The following PLEKHM3 variants were observed in gnomAD, a reference collection of about 807,000 sequenced individuals.
PLEKHM3 encodes the protein pleckstrin homology domain containing M3.
Under a neutral mutation model 81.8 loss-of-function variants are expected in PLEKHM3, and 45 were observed. That is an observed-to-expected ratio of 0.55 (90% confidence interval 0.43 to 0.71). The LOEUF (loss-of-function observed/expected upper bound fraction) is 0.71. Ranked by LOEUF, PLEKHM3 falls within the 30% of genes least tolerant of loss-of-function variation. The pLI is 0.00. For missense variants in PLEKHM3, 788 were observed against 924.3 expected, an observed-to-expected ratio of 0.85 and a Z score of 1.91; for synonymous variants, 352 against 356.4, an observed-to-expected ratio of 0.99 and a Z score of 0.14.
chr2:207,967,611 G>A (rs1690962925), intron 3 of PLEKHM3, among the ~76,000 whole-genome samples: 1 of 152,204 alleles, frequency 6.6e-6, no homozygotes, highest in African/African-American at 2.4e-5. Context: ...AGTTGTAAGT[G>A]AGCAAATACC....
chr2:207,923,855 G>GCA (rs1157865708), intron 5 of PLEKHM3, among the ~76,000 whole-genome samples: 2,086 of 18,772 alleles, frequency 0.11, 188 homozygotes, highest in Non-Finnish European at 0.14. Flanking sequence ...ACACACGCAC[G>GCA]CACACACACA....
At chr2:207,980,890 A>T (rs1385176180) in intron 2 of PLEKHM3, among the ~76,000 whole-genome samples, 2 of 152,118 alleles carry the variant, frequency 1.3e-5, no homozygotes, top group Non-Finnish European at 2.9e-5. Flanking sequence ...GCACTTTGGG[A>T]GGCTCAGGCG....
At chr2:207,971,344 C>G (rs1350442375) in intron 3 of PLEKHM3, among the ~76,000 whole-genome samples, 2 of 152,116 alleles carry the variant, frequency 1.3e-5, no homozygotes, top group Admixed American at 1.3e-4. Flanking sequence ...GGAATAAGTT[C>G]TAGTGTTCAA....
At chr2:207,884,141 A>AC (rs1295260484) in intron 6 of PLEKHM3, among the ~76,000 whole-genome samples, 7 of 50,462 alleles carry the variant, frequency 1.4e-4, no homozygotes, top group African/African-American at 3.0e-4. Context: ...CCCCACCCCC[A>AC]CCCCCCAAAA....
chr2:207,991,393 T>C (rs1691895912), intron 2 of PLEKHM3, among the ~76,000 whole-genome samples: 1 of 152,194 alleles, frequency 6.6e-6, no homozygotes, highest in African/African-American at 2.4e-5. Flanking sequence ...AGGCAAAACC[T>C]ATCAGCTGCC....
intron 7 of PLEKHM3, among the ~76,000 whole-genome samples, chr2:207,839,308 T>TTAATGTACATTAACC (rs1310919969): frequency 1.2e-4 from 19 of 152,068 alleles, no homozygotes; most frequent in Non-Finnish European, 2.1e-4. Flanking sequence ...AAAATGCACA[T>TTAATGTACATTAACC]TAATGTACAT....
At chr2:207,891,321 T>C (rs1487768990) in intron 6 of PLEKHM3, among the ~76,000 whole-genome samples, 1 of 152,268 alleles carries the variant, frequency 6.6e-6, no homozygotes, top group Non-Finnish European at 1.5e-5. Flanking sequence ...ATTCACTATA[T>C]GCCAAACTCT....
intron 5 of PLEKHM3, among the ~76,000 whole-genome samples, chr2:207,925,617 G>A (rs1333543388): frequency 6.6e-6 from 1 of 152,154 alleles, no homozygotes; most frequent in African/African-American, 2.4e-5. Flanking sequence ...TTAACGCAGA[G>A]TTTATAATAA....
intron 1 of PLEKHM3, among the ~76,000 whole-genome samples, chr2:208,009,526 T>C (rs1449403425): frequency 6.6e-6 from 1 of 152,242 alleles, no homozygotes. Flanking sequence ...TCGCTTGGTA[T>C]TTCATATCTC....
At chr2:207,890,736 T>C (rs1688036432) in intron 6 of PLEKHM3, among the ~76,000 whole-genome samples, 1 of 152,226 alleles carries the variant, frequency 6.6e-6, no homozygotes, top group Admixed American at 6.5e-5. Flanking sequence ...AACTCTGAGT[T>C]TGAATTTCAG....
In PLEKHM3 at chr2:208,001,480, T is replaced by C. The variant is rs773835287; in HGVS notation, c.160A>G (p.Ile54Val). 1 of 1,614,226 alleles carries C rather than the reference T, an allele frequency of 6.2e-7. No individual in the cohort carries two copies. The highest frequency in any genetic ancestry group is 8.5e-7 in the Non-Finnish European group (1 of 1,180,034). ...ELVGHEVLSNITDNGAMRNVT... is the reference protein window; with the variant it reads ...ELVGHEVLSNVTDNGAMRNVT... ...TTTCTCATAGCACCATTGTCTGTTA[T>C]GTTACTGAGTACCTCATGCCCCACC... The change falls in exon 2 of 8, where the codon ATA (isoleucine) becomes GTA (valine). Residue 54 changes from isoleucine (I) to valine (V), a missense_variant. Ile to Val is a conservative substitution (Grantham distance 29, BLOSUM62 3). Transcript: ENST00000427836.
Position 207,821,615 on chromosome 2 carries a change from A to T in PLEKHM3, c.*6704T>A, listed in dbSNP as rs1175665840. On this transcript the variant is annotated 3_prime_UTR_variant, in exon 8 of 8. Coordinates refer to ENST00000427836, the MANE Select transcript of PLEKHM3 (RefSeq NM_001080475.3). ...TCATTTCTGTACTGTGTGAGCAGAT[A>T]TAAGAAAAAATGGCATAGACCTGAC... 1.3e-5 allele frequency: 2 copies of T among 152,218 alleles called. No homozygotes were observed. The highest frequency in any genetic ancestry group is 2.9e-5 in the Non-Finnish European group (2 of 68,050). 9.4% of individuals were successfully genotyped at this position (152,218 alleles called of 1,614,324 possible).
intron 4 of PLEKHM3, among the ~76,000 whole-genome samples, chr2:207,931,871 G>A (rs933368917): frequency 3.9e-5 from 6 of 152,222 alleles, no homozygotes; most frequent in African/African-American, 1.4e-4. Flanking sequence ...TACTTGGGAG[G>A]TTAAGGCGGG....
Position 207,958,869 on chromosome 2 carries a change from C to T in PLEKHM3, c.1547-12357G>A, listed in dbSNP as rs1690629201. Among the ~76,000 whole-genome samples the T allele has an allele frequency of 3.3e-5, 5 of 152,040 alleles. No homozygotes were observed. In the South Asian group the frequency reaches 1.0e-3, roughly 32 times the overall value. On this transcript the variant is annotated intron_variant, in intron 3 of 7. Coordinates refer to ENST00000427836, the MANE Select transcript of PLEKHM3 (RefSeq NM_001080475.3). ...AGGCTGCAGTGAGCTGAGATTGCAC[C>T]ACTGCACTTCAGCCTGGGCAACAGA...
intron 6 of PLEKHM3, among the ~76,000 whole-genome samples, chr2:207,870,587 G>A (rs2092528273): frequency 6.6e-6 from 1 of 152,196 alleles, no homozygotes; most frequent in Non-Finnish European, 1.5e-5. Context: ...TGCCTGGCCA[G>A]ACAACCATGA....
intron 1 of PLEKHM3, among the ~76,000 whole-genome samples, chr2:208,016,120 G>A (rs1314122095): frequency 6.6e-6 from 1 of 152,128 alleles, no homozygotes; most frequent in Non-Finnish European, 1.5e-5. Flanking sequence ...CTTGAAACCA[G>A]GAGGCAGAGG....
At chr2:207,967,280 C>T (rs971347914) in intron 3 of PLEKHM3, among the ~76,000 whole-genome samples, 1 of 152,200 alleles carries the variant, frequency 6.6e-6, no homozygotes, top group Non-Finnish European at 1.5e-5. Context: ...TTGACATGAG[C>T]TACTGCACCA....
intron 7 of PLEKHM3, among the ~76,000 whole-genome samples, chr2:207,833,966 A>T (rs2092303115): frequency 6.6e-6 from 1 of 152,136 alleles, no homozygotes; most frequent in Non-Finnish European, 1.5e-5. Context: ...ACTAATATTA[A>T]TATTAACCAG....
chr2:207,852,819 C>T (rs1169416172), intron 7 of PLEKHM3: 7 of 437,858 alleles, frequency 1.6e-5, no homozygotes, highest in South Asian at 1.0e-4. Context: ...AATAAATCTG[C>T]ATATGGGTCT....
Sources: gnomAD v4.1 joint callset for allele counts (sites outside exome capture counted in the v4.1 genomes callset) on GRCh38, gnomAD v4.1.1 for gene constraint, MANE v1.5 for transcripts, NCBI Gene and HGNC (gene_info 2026-07-23, HGNC 2026-07-21) for gene names.